The following CRPPA variants were observed in gnomAD, a reference collection of about 807,000 sequenced individuals.
The protein encoded by CRPPA is CDP-L-ribitol pyrophosphorylase A, also known as D-ribitol-5-phosphate cytidylyltransferase.
CRPPA carries 43 observed loss-of-function variants against 52.0 expected under a neutral mutation model. That is an observed-to-expected ratio of 0.83 (90% confidence interval 0.65 to 1.07). The LOEUF (loss-of-function observed/expected upper bound fraction) is 1.07, where lower values mean the gene tolerates loss of function less well. Ranked by LOEUF, CRPPA falls within the 50% of genes least tolerant of loss-of-function variation. CRPPA has a pLI of 0.00. For missense variants in CRPPA, 629 were observed against 551.7 expected, an observed-to-expected ratio of 1.14 and a Z score of -1.40; for synonymous variants, 250 against 203.5, an observed-to-expected ratio of 1.23 and a Z score of -1.94.
intron 8 of CRPPA, among the ~76,000 whole-genome samples, chr7:16,255,433 A>G (rs1327754067): frequency 6.6e-6 from 1 of 152,214 alleles, no homozygotes; most frequent in African/African-American, 2.4e-5. Context: ...CAGAATTGGA[A>G]AAAACTACTT....
intron 5 of CRPPA, among the ~76,000 whole-genome samples, chr7:16,287,910 AAAGGAAGG>A (rs200678619): frequency 7.2e-6 from 1 of 139,754 alleles, no homozygotes; most frequent in African/African-American, 2.6e-5. Flanking sequence ...TGAAAAAAAG[AAAGGAAGG>A]AAGGAAGGGA....
chr7:16,360,678 C>T (rs1047962939), intron 3 of CRPPA, among the ~76,000 whole-genome samples: 1 of 152,130 alleles, frequency 6.6e-6, no homozygotes, highest in African/African-American at 2.4e-5. Context: ...TCCATATGCA[C>T]ATGAATGAAT....
At chr7:16,261,980 G>C (rs548550720) in intron 6 of CRPPA, 31 of 151,958 alleles carry the variant, frequency 2.0e-4, no homozygotes, top group African/African-American at 7.5e-4. Flanking sequence ...CATTATATTT[G>C]GAATGAATAC....
intron 9 of CRPPA, among the ~76,000 whole-genome samples, chr7:16,139,869 A>G (rs1782834170): frequency 1.3e-5 from 2 of 152,170 alleles, no homozygotes; most frequent in Admixed American, 6.5e-5. Flanking sequence ...TTAACCACCT[A>G]GAATTCCATC....
rs1321297628 is a variant in CRPPA at position 16,421,344 on chromosome 7, C to G, written c.-22G>C. ...CCATGGCTGCGGGCGGAACGGCGAGCCCCGCTAGCCTCGGGCCGATGCGAC... is the reference window on the plus strand; with the variant it reads ...CCATGGCTGCGGGCGGAACGGCGAGGCCCGCTAGCCTCGGGCCGATGCGAC... On this transcript the variant is annotated 5_prime_UTR_variant, in exon 1 of 10. Transcript: ENST00000407010. 1 of 1,237,272 alleles carries G rather than the reference C, an allele frequency of 8.1e-7. No individual in the cohort carries two copies. The highest frequency in any genetic ancestry group is 1.0e-6 in the Non-Finnish European group (1 of 988,782). 76.6% of individuals were successfully genotyped at this position (1,237,272 alleles called of 1,614,324 possible). A position where few individuals can be genotyped will look rare whatever the true frequency, so the allele number is the denominator to read the frequency against.
intron 5 of CRPPA, among the ~76,000 whole-genome samples, chr7:16,286,144 A>G (rs1255673196): frequency 7.3e-6 from 1 of 136,370 alleles, no homozygotes; most frequent in Non-Finnish European, 1.5e-5. Context: ...GTACAACTTA[A>G]TTTTCCTGGC....
chr7:16,392,973 T>C (rs1046357625), intron 2 of CRPPA, among the ~76,000 whole-genome samples: 2 of 152,150 alleles, frequency 1.3e-5, no homozygotes, highest in African/African-American at 4.8e-5. Context: ...TTTTGTACTA[T>C]GTATAAAGAA....
At chr7:16,209,668 C>G (rs1224613071) in intron 9 of CRPPA, among the ~76,000 whole-genome samples, 1 of 152,108 alleles carries the variant, frequency 6.6e-6, no homozygotes, top group Non-Finnish European at 1.5e-5. Context: ...GAAAGCAAAT[C>G]TAAAACACAA....
rs183365361 is a variant in CRPPA at position 16,315,518 on chromosome 7, A to G, written c.685-6891T>C. On this transcript the variant is annotated intron_variant, in intron 3 of 9. Transcript: ENST00000407010. The stretch of plus-strand genomic sequence containing the variant: ...GGATGACTAGAGTGGTATGGAGTTG[A>G]GTGGGAAAGGATGGAGTTGGGTAAG... Among the ~76,000 whole-genome samples the G allele has an allele frequency of 1.1e-4, 16 of 152,226 alleles. No individual in the cohort carries two copies. In the East Asian group the frequency reaches 2.7e-3, roughly 26 times the overall value.
intron 3 of CRPPA, among the ~76,000 whole-genome samples, chr7:16,346,578 T>G (rs893564185): frequency 6.6e-6 from 1 of 152,146 alleles, no homozygotes; most frequent in Non-Finnish European, 1.5e-5. Flanking sequence ...CTAGTGTTTG[T>G]TGACTACTGC....
intron 8 of CRPPA, chr7:16,216,530 C>T (rs1268663823): frequency 8.2e-6 from 2 of 244,316 alleles, no homozygotes; most frequent in African/African-American, 2.3e-5. Context: ...TCTGAGGTAC[C>T]GGGTTCATCT....
chr7:16,166,449 T>C (rs149567257), intron 9 of CRPPA, among the ~76,000 whole-genome samples: 5 of 152,194 alleles, frequency 3.3e-5, no homozygotes, highest in African/African-American at 1.2e-4. Context: ...CCAGCTAATA[T>C]TTGTATTTTT....
intron 2 of CRPPA, among the ~76,000 whole-genome samples, chr7:16,401,112 C>G (rs972337180): frequency 2.0e-5 from 3 of 152,200 alleles, no homozygotes; most frequent in African/African-American, 7.2e-5. Flanking sequence ...AGAGGCTGAG[C>G]TGGTTCAAAG....
intron 3 of CRPPA, among the ~76,000 whole-genome samples, chr7:16,373,941 A>C (rs1199877333): frequency 6.6e-6 from 1 of 152,148 alleles, no homozygotes; most frequent in Non-Finnish European, 1.5e-5. Context: ...TTCAACAGTG[A>C]CCATGGATCA....
At chr7:16,251,368 C>T (rs933168403) in intron 8 of CRPPA, among the ~76,000 whole-genome samples, 4 of 152,122 alleles carry the variant, frequency 2.6e-5, no homozygotes, top group Non-Finnish European at 5.9e-5. Context: ...AGCTCTGATA[C>T]AAATGGACCT....
At chr7:16,222,687 T>C (rs1782549156) in intron 8 of CRPPA, among the ~76,000 whole-genome samples, 1 of 152,138 alleles carries the variant, frequency 6.6e-6, no homozygotes, top group South Asian at 2.1e-4. Context: ...ATGTGATCAA[T>C]AATTGTCGTC....
intron 8 of CRPPA, among the ~76,000 whole-genome samples, chr7:16,248,483 A>G (rs1783341931): frequency 6.6e-6 from 1 of 152,184 alleles, no homozygotes; most frequent in Non-Finnish European, 1.5e-5. Flanking sequence ...CCATTAAGAA[A>G]AGAAGTCAAC....
At chr7:16,150,317 T>G (rs1403570329) in intron 9 of CRPPA, among the ~76,000 whole-genome samples, 1 of 152,164 alleles carries the variant, frequency 6.6e-6, no homozygotes, top group Non-Finnish European at 1.5e-5. Context: ...TAAAATTTAT[T>G]TTAACTATTA....
At chr7:16,399,213 G>C (rs1013641916) in intron 2 of CRPPA, among the ~76,000 whole-genome samples, 1 of 152,196 alleles carries the variant, frequency 6.6e-6, no homozygotes, top group Non-Finnish European at 1.5e-5. Flanking sequence ...CAACACATTT[G>C]TGACACTAGA....
Sources: gnomAD v4.1 joint callset for allele counts (sites outside exome capture counted in the v4.1 genomes callset) on GRCh38, gnomAD v4.1.1 for gene constraint, MANE v1.5 for transcripts, NCBI Gene and HGNC (gene_info 2026-07-23, HGNC 2026-07-21) for gene names.